The following CEP112 variants were observed in gnomAD, a reference collection of about 807,000 sequenced individuals.
The protein encoded by CEP112 is centrosomal protein of 112 kDa.
Under a neutral mutation model 153.0 loss-of-function variants are expected in CEP112, and 127 were observed. That is an observed-to-expected ratio of 0.83 (90% CI 0.72 to 0.96). The LOEUF is 0.96. CEP112 is among the 40% of genes least tolerant of loss of function. The pLI, the probability that CEP112 is intolerant of heterozygous loss-of-function variation, is 0.00. For synonymous variants in CEP112, 358 were observed against 374.4 expected (o/e 0.96, Z 0.51); for missense variants, 1,089 against 1,101.2 (o/e 0.99, Z 0.16).
chr17:66,101,117 G>T (rs186212747), intron 6 of CEP112, among the ~76,000 whole-genome samples: 3 of 152,104 alleles, frequency 2.0e-5, no homozygotes, highest in African/African-American at 7.2e-5. Context: ...TAAACTTTAC[G>T]AATATTTTTT....
intron 16 of CEP112, among the ~76,000 whole-genome samples, chr17:66,006,836 C>A (rs930259443): frequency 3.3e-5 from 5 of 151,098 alleles, no homozygotes; most frequent in African/African-American, 1.2e-4. Context: ...GGAAAACCCG[C>A]TACAGACCTG....
intron 24 of CEP112, among the ~76,000 whole-genome samples, chr17:65,684,123 A>G (rs1288644347): frequency 6.6e-6 from 1 of 152,138 alleles, no homozygotes; most frequent in Non-Finnish European, 1.5e-5. Context: ...CATTTACTCT[A>G]TCAGACTGTA....
intron 17 of CEP112, among the ~76,000 whole-genome samples, chr17:65,986,196 G>T (rs1403224527): frequency 4.6e-5 from 7 of 151,938 alleles, no homozygotes; most frequent in African/African-American, 1.7e-4. Flanking sequence ...AACATCGCAA[G>T]AACAGTAATA....
At chr17:65,984,993 T>C (rs1490866509) in intron 17 of CEP112, among the ~76,000 whole-genome samples, 7 of 152,102 alleles carry the variant, frequency 4.6e-5, no homozygotes, top group African/African-American at 1.4e-4. Flanking sequence ...CTGGTATCCC[T>C]AGGAGGAGAA....
intron 20 of CEP112, among the ~76,000 whole-genome samples, chr17:65,854,587 C>A (rs769065048): frequency 6.6e-6 from 1 of 152,184 alleles, no homozygotes; most frequent in Non-Finnish European, 1.5e-5. Context: ...TTTTATCCTG[C>A]CTTTCTAAGA....
rs544986618 is a variant in CEP112, at chr17:65,958,189, T to C, written c.1872+3274A>G. Among the ~76,000 whole-genome samples, 8 of 152,332 alleles carry C rather than the reference T, an allele frequency of 5.3e-5. No homozygotes were observed. The South Asian group carries it at 1.5e-3, about 28-fold the overall frequency. Reference sequence around the variant, plus strand: ...GAAGTCTTATGCTTCATTTCTGGATTGGTTCATGTATTCATACAAATTTTT... The same window carrying C: ...GAAGTCTTATGCTTCATTTCTGGATCGGTTCATGTATTCATACAAATTTTT... On this transcript the variant is annotated intron_variant, in intron 18 of 26. Transcript: ENST00000535342.
chr17:65,664,539 T>A (rs930081133), intron 24 of CEP112, among the ~76,000 whole-genome samples: 9 of 152,038 alleles, frequency 5.9e-5, no homozygotes, highest in Admixed American at 3.3e-4. Context: ...AAATCCAAGG[T>A]GATTAAGAGT....
At chr17:66,104,576 C>A (rs926573599) in intron 6 of CEP112, among the ~76,000 whole-genome samples, 6 of 152,044 alleles carry the variant, frequency 3.9e-5, no homozygotes, top group African/African-American at 1.4e-4. Context: ...GGAAGAAATC[C>A]CCTCAGCTTG....
intron 23 of CEP112, among the ~76,000 whole-genome samples, chr17:65,725,331 A>T (rs1401203309): frequency 6.6e-6 from 1 of 152,068 alleles, no homozygotes. Context: ...GTATATATAT[A>T]TTTTGAGACA....
intron 17 of CEP112, among the ~76,000 whole-genome samples, chr17:65,992,662 G>C (rs918873618): frequency 1.3e-5 from 2 of 152,126 alleles, no homozygotes; most frequent in African/African-American, 4.8e-5. Flanking sequence ...ATTTCTAGAT[G>C]TCTCCTTAAT....
chr17:65,777,453 TC>T (rs1370983429), intron 21 of CEP112, among the ~76,000 whole-genome samples: 3 of 152,216 alleles, frequency 2.0e-5, no homozygotes, highest in Non-Finnish European at 4.4e-5. Context: ...GCCGCTTCCA[TC>T]TAAGCTGTCC....
chr17:66,028,211 G>T, intron 15 of CEP112, 102 bp downstream of exon 15: 1 of 674,418 alleles, frequency 1.5e-6, no homozygotes, highest in Non-Finnish European at 2.6e-6. Flanking sequence ...AAGATGACCT[G>T]CATTTCTGAG....
intron 17 of CEP112, among the ~76,000 whole-genome samples, chr17:65,979,308 A>G (rs1395202247): frequency 1.3e-5 from 2 of 152,018 alleles, no homozygotes; most frequent in East Asian, 1.9e-4. Context: ...TGCAGTGGCA[A>G]TCAGTTCACT....
intron 4 of CEP112, among the ~76,000 whole-genome samples, chr17:66,153,080 C>T (rs1447014063): frequency 6.6e-6 from 1 of 152,026 alleles, no homozygotes; most frequent in Admixed American, 6.6e-5. Flanking sequence ...TGTGAAGAGA[C>T]TGGAATATTG....
intron 21 of CEP112, among the ~76,000 whole-genome samples, chr17:65,789,938 G>C (rs1214508431): frequency 6.6e-6 from 1 of 152,146 alleles, no homozygotes; most frequent in Non-Finnish European, 1.5e-5. Context: ...TCTACTCCAA[G>C]TCTATATCCT....
At chr17:66,129,697 T>C in intron 6 of CEP112, 49 bp downstream of exon 6, 1 of 1,259,654 alleles carries the variant, frequency 7.9e-7, no homozygotes, top group Non-Finnish European at 1.1e-6. Context: ...ACACATACAA[T>C]ATGATTTTGA....
At chr17:65,735,690 T>C (rs910362883) in intron 23 of CEP112, among the ~76,000 whole-genome samples, 1 of 152,238 alleles carries the variant, frequency 6.6e-6, no homozygotes, top group Non-Finnish European at 1.5e-5. Context: ...ACTAGTCATA[T>C]GGTTTCATGT....
At chr17:65,886,740 ATAAT>A (rs2059291241) in intron 20 of CEP112, among the ~76,000 whole-genome samples, 1 of 152,224 alleles carries the variant, frequency 6.6e-6, no homozygotes, top group South Asian at 2.1e-4. Context: ...ATGTGCCTGA[ATAAT>A]TAATTTGTGC....
intron 6 of CEP112, among the ~76,000 whole-genome samples, chr17:66,115,887 G>A (rs778975470): frequency 3.9e-5 from 6 of 152,180 alleles, no homozygotes; most frequent in Non-Finnish European, 8.8e-5. Flanking sequence ...TGGTGTTTCA[G>A]TAACAATCTC....
Sources: gnomAD v4.1 joint callset for allele counts (sites outside exome capture counted in the v4.1 genomes callset) on GRCh38, gnomAD v4.1.1 for gene constraint, MANE v1.5 for transcripts, NCBI Gene and HGNC (gene_info 2026-07-23, HGNC 2026-07-21) for gene names.